LRRIQ3: variants seen among roughly 807,000 people sequenced by gnomAD.
LRRIQ3 encodes leucine-rich repeat and IQ domain-containing protein 3.
Under a neutral mutation model 59.3 loss-of-function variants are expected in LRRIQ3, and 75 were observed. The observed-to-expected ratio is 1.26, with a 90% CI of 1.05 to 1.53. The LOEUF is 1.53. Among genes scored for constraint, LRRIQ3 ranks in the 40% most tolerant of loss-of-function variants. The pLI is 0.00. For synonymous variants in LRRIQ3, 250 were observed against 231.3 expected, an observed-to-expected ratio of 1.08 and a Z score of -0.73; for missense variants, 831 against 710.0, an observed-to-expected ratio of 1.17 and a Z score of -1.94.
At chr1:74,105,082 C>T (rs1225984792) in intron 5 of LRRIQ3, among the ~76,000 whole-genome samples, 1 of 151,828 alleles carries the variant, frequency 6.6e-6, no homozygotes, top group African/African-American at 2.4e-5. Context: ...TTTTTGTTCA[C>T]AATAAAAACG....
chr1:74,033,729 A>G (rs926654748), intron 7 of LRRIQ3, among the ~76,000 whole-genome samples: 14 of 152,034 alleles, frequency 9.2e-5, no homozygotes, highest in Admixed American at 6.6e-4. Flanking sequence ...AAAGCTTCAT[A>G]AGTCAAAATG....
chr1:74,068,829 T>TAA (rs542374561), intron 6 of LRRIQ3, among the ~76,000 whole-genome samples: 4,911 of 142,630 alleles, frequency 0.034, 282 homozygotes, highest in African/African-American at 0.12. Flanking sequence ...AGGAGAATGG[T>TAA]AAAAAAAAAA....
intron 1 of LRRIQ3, 115 bp from the exon 2 acceptor site, chr1:74,183,799 AT>A: frequency 1.1e-6 from 1 of 873,562 alleles, no homozygotes; most frequent in Non-Finnish European, 1.6e-6. Context: ...TAAAGTTAAA[AT>A]TTAAAAAAAC....
chr1:74,191,355 G>C (rs1650757337), intron 1 of LRRIQ3, among the ~76,000 whole-genome samples: 1 of 152,094 alleles, frequency 6.6e-6, no homozygotes. Context: ...TGTTAAGAAA[G>C]AGTGTTGGGA....
At position 74,127,741 on chromosome 1, in the gene LRRIQ3, T is replaced by C. The variant is rs572132478; in HGVS notation, c.708-18188A>G. ...TCTTCTAGGTTGTTTTTACTCAAGA[T>C]ATGACTAGTTTAGACACCACAATTA... is the stretch of plus-strand genomic sequence containing the variant. On this transcript the variant is annotated intron_variant, in intron 4 of 7. Transcript: ENST00000354431. Among the ~76,000 whole-genome samples, 23 of 152,110 alleles carry C rather than the reference T, an allele frequency of 1.5e-4. No individual in the cohort carries two copies. In the East Asian group the frequency reaches 3.3e-3, roughly 22 times the overall value.
At chr1:74,060,168 G>A (rs558998278) in intron 6 of LRRIQ3, among the ~76,000 whole-genome samples, 8 of 150,396 alleles carry the variant, frequency 5.3e-5, no homozygotes, top group Non-Finnish European at 1.0e-4. Context: ...CTTCTTCGTC[G>A]TCATCTTCTT....
intron 3 of LRRIQ3, among the ~76,000 whole-genome samples, chr1:74,159,700 T>G (rs949519722): frequency 1.3e-5 from 2 of 152,136 alleles, no homozygotes; most frequent in Non-Finnish European, 2.9e-5. Flanking sequence ...ATTATCCACA[T>G]AGCTGTAATC....
chr1:74,180,048 T>A (rs1258183262), intron 3 of LRRIQ3: 1 of 151,838 alleles, frequency 6.6e-6, no homozygotes, highest in Non-Finnish European at 1.5e-5. Flanking sequence ...AAGCTTTATT[T>A]TTCTTCTGTC....
intron 5 of LRRIQ3, chr1:74,084,207 T>C (rs753766327): frequency 6.5e-7 from 1 of 1,547,090 alleles, no homozygotes; most frequent in Non-Finnish European, 8.7e-7. Flanking sequence ...ACCCATAATT[T>C]TTTTTTATCC....
chr1:74,058,059 C>CA (rs1654590083), intron 6 of LRRIQ3, among the ~76,000 whole-genome samples: 4 of 146,348 alleles, frequency 2.7e-5, no homozygotes, highest in South Asian at 4.2e-4. Flanking sequence ...ATCAAAAAAA[C>CA]AAAAAACAAA....
intron 3 of LRRIQ3, among the ~76,000 whole-genome samples, chr1:74,157,204 G>C (rs1648387530): frequency 6.6e-6 from 1 of 151,916 alleles, no homozygotes; most frequent in Non-Finnish European, 1.5e-5. Context: ...TAAACACTCT[G>C]CTTCTTTTTT....
intron 5 of LRRIQ3, among the ~76,000 whole-genome samples, chr1:74,108,711 C>A (rs931769146): frequency 6.6e-6 from 1 of 151,770 alleles, no homozygotes; most frequent in Admixed American, 6.6e-5. Context: ...GTATTCATTT[C>A]TACCATTAAT....
intron 5 of LRRIQ3, among the ~76,000 whole-genome samples, chr1:74,088,125 C>A (rs908991462): frequency 1.3e-5 from 2 of 151,458 alleles, no homozygotes; most frequent in Non-Finnish European, 3.0e-5. Context: ...CAAAAAAAAA[C>A]AATTGTCTCT....
chr1:74,037,554 T>G (rs1043926971), intron 7 of LRRIQ3, among the ~76,000 whole-genome samples: 3 of 152,136 alleles, frequency 2.0e-5, no homozygotes, highest in African/African-American at 7.2e-5. Context: ...GAGAATCATT[T>G]GGGAGGTGAA....
chr1:74,197,956 T>G, intron 1 of LRRIQ3, 40 bp downstream of exon 1: 2 of 405,488 alleles, frequency 4.9e-6, no homozygotes, highest in Non-Finnish European at 8.9e-6. Context: ...CCTTAGCGGG[T>G]CGGTTCTAAC....
intron 1 of LRRIQ3, among the ~76,000 whole-genome samples, chr1:74,188,256 G>A (rs538272117): frequency 6.6e-6 from 1 of 152,182 alleles, no homozygotes; most frequent in African/African-American, 2.4e-5. Flanking sequence ...AACACACTGG[G>A]GCCTACTAGA....
At chr1:74,029,905 C>A (rs1428108917) in intron 7 of LRRIQ3, among the ~76,000 whole-genome samples, 1 of 152,026 alleles carries the variant, frequency 6.6e-6, no homozygotes, top group Non-Finnish European at 1.5e-5. Flanking sequence ...AGAGATTCAA[C>A]TTCTTCCTAG....
intron 7 of LRRIQ3, among the ~76,000 whole-genome samples, chr1:74,033,341 A>G (rs1406620417): frequency 6.6e-6 from 1 of 151,964 alleles, no homozygotes; most frequent in Non-Finnish European, 1.5e-5. Flanking sequence ...ACAAAATAAT[A>G]ATTGAATTAA....
intron 4 of LRRIQ3, chr1:74,138,534 A>AG (rs1240902907): frequency 1.0e-6 from 1 of 978,208 alleles, no homozygotes; most frequent in Non-Finnish European, 1.2e-6. Flanking sequence ...AAACAAAAGG[A>AG]GAAAAACTGC....
Sources: gnomAD v4.1 joint callset for allele counts (sites outside exome capture counted in the v4.1 genomes callset) on GRCh38, gnomAD v4.1.1 for gene constraint, MANE v1.5 for transcripts, NCBI Gene and HGNC (gene_info 2026-07-23, HGNC 2026-07-21) for gene names.